PRDM8: variants seen among roughly 807,000 people sequenced by gnomAD.
PRDM8 encodes PR domain zinc finger protein 8.
Under a neutral mutation model 46.5 loss-of-function variants are expected in PRDM8, and 13 were observed. That is an observed-to-expected ratio of 0.28 (90% confidence interval 0.18 to 0.44). The LOEUF is 0.44. Ranked by LOEUF, PRDM8 falls within the 20% of genes least tolerant of loss-of-function variation. The probability of loss-of-function intolerance (pLI) is 1.00; values close to 1 mark genes in which losing one functional copy is unlikely to be tolerated. For synonymous variants in PRDM8, 473 were observed against 438.4 expected (o/e 1.08, Z -0.98); for missense variants, 998 against 955.0 (o/e 1.04, Z -0.59).
intron 1 of PRDM8, among the ~76,000 whole-genome samples, chr4:80,198,738 A>G (rs1046281018): frequency 6.6e-6 from 1 of 152,198 alleles, no homozygotes; most frequent in African/African-American, 2.4e-5. Context: ...TAACTGGTTA[A>G]TATAAATTAA....
At chr4:80,197,274 G>C, upstream of PRDM8, 1 of 980,116 alleles carries the variant, frequency 1.0e-6, no homozygotes, top group Non-Finnish European at 1.2e-6. Flanking sequence ...CAGAGGGCCC[G>C]AGCTTTAGGA....
Position 80,202,378 on chromosome 4 carries a change from G to T in PRDM8, c.916G>T (p.Ala306Ser). The change falls in exon 4 of 4, where the codon GCC becomes TCC. Residue 306 changes from alanine to serine, a missense_variant. Ala to Ser is a moderately conservative substitution (Grantham distance 99, BLOSUM62 1). Coordinates refer to ENST00000415738, the MANE Select transcript of PRDM8 (RefSeq NM_001099403.2). The part of the protein sequence containing the change: ...QEAELSPDGI[A>S]TGGGKGKRKF... ...GGCGGAGCTGAGTCCCGACGGCATC[G>T]CCACGGGCGGCGGCAAAGGAAAGAG... The T allele has an allele frequency of 6.3e-7, 1 of 1,586,244 alleles. No homozygotes were observed. Among genetic ancestry groups the T allele is most frequent in the Non-Finnish European group, 8.6e-7 (1 of 1,166,562 alleles).
In PRDM8 at chr4:80,200,317, C is replaced by G; in HGVS notation, c.219+18C>G. 6.3e-7 allele frequency: 1 copy of G among 1,581,108 alleles called. No individual in the cohort carries two copies. Among genetic ancestry groups the G allele is most frequent in the Non-Finnish European group, 8.7e-7 (1 of 1,150,586 alleles). On this transcript the variant is annotated intron_variant, in intron 2 of 3. Coordinates refer to ENST00000415738, the MANE Select transcript of PRDM8 (RefSeq NM_001099403.2). The stretch of plus-strand genomic sequence containing the variant: ...TCTTTCGGGTAAGTCTCCACTGTAG[C>G]TGTGTAGGTGTATGAGGGTAATGTC...
At chr4:80,196,711 A>AG (rs528071663), upstream of PRDM8, 1,095 of 911,844 alleles carry the variant, frequency 1.2e-3, 8 homozygotes, top group African/African-American at 0.017. Context: ...CACCAAGCAG[A>AG]GGGGGGGAAA....
intron 2 of PRDM8, among the ~76,000 whole-genome samples, chr4:80,200,513 T>G (rs1404366362): frequency 6.6e-6 from 1 of 152,272 alleles, no homozygotes; most frequent in African/African-American, 2.4e-5. Context: ...AAATTTGATT[T>G]GGAATGTTAG....
rs756183779 is a variant in PRDM8, at chr4:80,202,213, G to C, written c.751G>C (p.Gly251Arg). Residue 251 changes from glycine to arginine, a missense_variant, in exon 4 of 4, where the codon GGC becomes CGC. Physicochemically the swap from Gly to Arg is moderately radical, Grantham distance 125. Transcript: ENST00000415738. ...AAGCAGCAACCCATCCGCTGCCGCC[G>C]GCGGCAGCAGCGCGAAGCCATCCAC... ...PESSNPSAAAGGSSAKPSTDF... is the reference protein window; with the variant it reads ...PESSNPSAAARGSSAKPSTDF... The C allele has an allele frequency of 1.9e-6, 3 of 1,611,854 alleles. No individual in the cohort carries two copies. The highest frequency in any genetic ancestry group is 1.7e-5 in the Admixed American group (1 of 59,982).
chr4:80,202,071 G>C lies in PRDM8; in HGVS notation c.609G>C (p.Gly203=), dbSNP rs770054937. ...GCGGCGTGGGCACCAAGGACCACGG[G>C]GGCGGCGGCGGCGGTGGCAAAGACC... is the stretch of plus-strand genomic sequence containing the variant. ...QGGGVGTKDH[G]GGGGGGKDQQ... The change falls in exon 4 of 4, where the codon GGG becomes GGC. Residue 203 remains glycine, a synonymous_variant. Coordinates refer to ENST00000415738, the MANE Select transcript of PRDM8 (RefSeq NM_001099403.2). 1.2e-6 allele frequency: 2 copies of C among 1,613,412 alleles called. No homozygotes were observed. The highest frequency in any genetic ancestry group is 1.7e-6 in the Non-Finnish European group (2 of 1,179,872).
chr4:80,190,552 T>A (rs776180884), intron 1 of PRDM8, among the ~76,000 whole-genome samples: 23 of 152,196 alleles, frequency 1.5e-4, no homozygotes, highest in Non-Finnish European at 2.8e-4. Flanking sequence ...TGTCTGCGCC[T>A]CCTGATACTG....
upstream of PRDM8, among the ~76,000 whole-genome samples, chr4:80,195,522 T>G (rs201927756): frequency 2.9e-3 from 417 of 142,834 alleles, 2 homozygotes; most frequent in Non-Finnish European, 3.9e-3. Context: ...GTGTGTGTGT[T>G]TGTGTGTGTG....
chr4:80,202,459 C>G lies in PRDM8; in HGVS notation c.997C>G (p.Arg333Gly), dbSNP rs1350668282. The G allele has an allele frequency of 1.9e-6, 3 of 1,543,916 alleles. No individual in the cohort carries two copies. The highest frequency in any genetic ancestry group is 2.6e-6 in the Non-Finnish European group (3 of 1,146,198). Residue 333 changes from arginine (R) to glycine (G), a missense_variant, in exon 4 of 4, where the codon CGG becomes GGG. Transcript: ENST00000415738. Reference sequence around the variant, plus strand: ...CGGTGGCGCTGGTCTGGTAGGGGGCCGGGGCCGCTTCGTAGAGCGGCCCCT... The same window carrying G: ...CGGTGGCGCTGGTCTGGTAGGGGGCGGGGGCCGCTTCGTAGAGCGGCCCCT... ...GGGGAGLVGG[R>G]GRFVERPLPA...
rs1180287686 is a variant in PRDM8 at position 80,191,458 on chromosome 4, T to TTACTA, written c.-982-11_-982-7dup. 3.2e-5 allele frequency: 3 copies of TTACTA among 92,810 alleles called. No individual in the cohort carries two copies. In the East Asian group the frequency reaches 1.8e-3, roughly 56 times the overall value. The allele number at this position is 92,810 out of a possible 1,614,324, so 5.7% of individuals were successfully genotyped here. A position where few individuals can be genotyped will look rare whatever the true frequency, so the allele number is the denominator to read the frequency against. ...AAGGAGATTATGAATAATACCACGG[T>TTACTA]TACTATATTACAGATACTATCAAAT... On this transcript the variant is annotated splice_polypyrimidine_tract_variant and intron_variant, in intron 1 of 9. Transcript: ENST00000339711.
chr4:80,192,699 C>T (rs780193827), upstream of PRDM8, among the ~76,000 whole-genome samples: 2 of 152,190 alleles, frequency 1.3e-5, no homozygotes, highest in Non-Finnish European at 2.9e-5. Context: ...ACACACTCAT[C>T]TGGGGAAGAG....
In PRDM8 at chr4:80,202,600, G is replaced by A. The variant is rs769213647; in HGVS notation, c.1138G>A (p.Glu380Lys). The change falls in exon 4 of 4, where the codon GAG becomes AAG. Residue 380 changes from glutamate to lysine, a missense_variant. Physicochemically the swap from Glu to Lys is moderately conservative, Grantham distance 56. Transcript: ENST00000415738. ...LFAPPSPETGEAKRSAFVEVK... is the reference protein window; with the variant it reads ...LFAPPSPETGKAKRSAFVEVK... ...CGCGCCGCCAAGTCCCGAGACGGGC[G>A]AGGCGAAGCGCAGCGCCTTCGTGGA... The A allele has an allele frequency of 1.2e-5, 18 of 1,532,758 alleles. No individual in the cohort carries two copies. In the South Asian group the frequency reaches 2.1e-4, roughly 18 times the overall value. 94.9% of individuals were successfully genotyped at this position (1,532,758 alleles called of 1,614,324 possible). A position where few individuals can be genotyped will look rare whatever the true frequency, so the allele number is the denominator to read the frequency against.
chr4:80,202,066 C>G lies in PRDM8; in HGVS notation c.604C>G (p.His202Asp). 1.2e-6 allele frequency: 2 copies of G among 1,613,594 alleles called. No homozygotes were observed. The highest frequency in any genetic ancestry group is 1.7e-6 in the Non-Finnish European group (2 of 1,179,904). ...EQGGGVGTKD[H>D]GGGGGGGKDQ... ...AGGCGGCGGCGTGGGCACCAAGGAC[C>G]ACGGGGGCGGCGGCGGCGGTGGCAA... The change falls in exon 4 of 4, where the codon CAC becomes GAC. Residue 202 changes from histidine (H) to aspartate (D), a missense_variant. His to Asp is a moderately conservative substitution (Grantham distance 81). Coordinates refer to ENST00000415738, the MANE Select transcript of PRDM8 (RefSeq NM_001099403.2).
chr4:80,194,347 T>C (rs1423529049), upstream of PRDM8: 1 of 495,410 alleles, frequency 2.0e-6, no homozygotes. Flanking sequence ...TCCATATGAA[T>C]TACATAAAAC....
At chr4:80,186,471 C>A (rs1182690013) in intron 1 of PRDM8, among the ~76,000 whole-genome samples, 1 of 50,490 alleles carries the variant, frequency 2.0e-5, no homozygotes, top group Non-Finnish European at 4.9e-5. Flanking sequence ...TTGTCAAGAT[C>A]AGATCAGTTA....
chr4:80,203,733 C>CAT lies in PRDM8; in HGVS notation c.*202_*203insTA, dbSNP rs1294619780. 7 of 521,362 alleles carry CAT rather than the reference C, an allele frequency of 1.3e-5. No homozygotes were observed. Among genetic ancestry groups the CAT allele is most frequent in the Non-Finnish European group, 1.9e-5 (6 of 309,940 alleles). The allele number at this position is 521,362 out of a possible 1,614,324, so 32.3% of individuals were successfully genotyped here. ...ACCTCATTCAAATATTTACCCGGGA[C>CAT]ACACACCCCCCCCCACACACACACA... On this transcript the variant is annotated 3_prime_UTR_variant, in exon 4 of 4. Transcript: ENST00000415738.
rs1304097847 is a variant in PRDM8, at chr4:80,201,913, G to A, written c.452-1G>A. The A allele has an allele frequency of 6.2e-7, 1 of 1,613,808 alleles. No homozygotes were observed. Among genetic ancestry groups the A allele is most frequent in the Admixed American group, 1.7e-5 (1 of 59,998 alleles). ...GTGTGTGGTGTTTGCTCACTAAGCA[G>A]GGTCGTCCCCTTACACATGCCTGGA... is the stretch of plus-strand genomic sequence containing the variant. On this transcript the variant is annotated splice_acceptor_variant, in intron 3 of 3. Coordinates refer to ENST00000415738, the MANE Select transcript of PRDM8 (RefSeq NM_001099403.2). LOFTEE classifies it high-confidence loss of function.
chr4:80,202,437 T>C lies in PRDM8; in HGVS notation c.975T>C (p.Gly325=). 1 of 1,547,158 alleles carries C rather than the reference T, an allele frequency of 6.5e-7. No individual in the cohort carries two copies. Among genetic ancestry groups the C allele is most frequent in the South Asian group, 1.2e-5 (1 of 84,174 alleles). ...KFPEEAAEGG[G]GAGLVGGRGR... ...CGGAGGAGGCGGCGGAGGGCGGCGGTGGCGCTGGTCTGGTAGGGGGCCGGG... is the reference window on the plus strand; with the variant it reads ...CGGAGGAGGCGGCGGAGGGCGGCGGCGGCGCTGGTCTGGTAGGGGGCCGGG... Residue 325 remains glycine, a synonymous_variant, in exon 4 of 4, where the codon GGT becomes GGC. Transcript: ENST00000415738.
Sources: allele counts gnomAD v4.1 joint callset (sites outside exome capture counted in the v4.1 genomes callset), GRCh38; gene constraint gnomAD v4.1.1; transcripts MANE v1.5; gene names NCBI Gene and HGNC (gene_info 2026-07-23, HGNC 2026-07-21).